Variants in CLOCK observed in about 807,000 individuals in gnomAD.
CLOCK encodes circadian locomoter output cycles protein kaput.
A neutral mutation model predicts 118.4 loss-of-function variants in CLOCK; 43 were observed. The observed-to-expected ratio is 0.36, with a 90% confidence interval of 0.28 to 0.47. The LOEUF (loss-of-function observed/expected upper bound fraction) is 0.47. CLOCK is among the 20% of genes least tolerant of loss of function. CLOCK has a pLI of 1.00. For missense variants in CLOCK, 846 were observed against 999.9 expected (o/e 0.85, Z 2.08); for synonymous variants, 326 against 339.2 (o/e 0.96, Z 0.43).
rs542860491 is a variant in CLOCK, at chr4:55,479,341, G to A, written c.107+299C>T. ...TGAAGCAGTAACCAGTAAACAAACA[G>A]CTATTGAGAAAAACTTGATTATTTA... On this transcript the variant is annotated intron_variant, in intron 5 of 22. Coordinates refer to ENST00000513440, the MANE Select transcript of CLOCK (RefSeq NM_004898.4). 8.5e-5 allele frequency among the ~76,000 whole-genome samples: 13 copies of A among 152,106 alleles called. No individual in the cohort carries two copies. The South Asian group carries it at 1.2e-3, about 15-fold the overall frequency.
intron 8 of CLOCK, among the ~76,000 whole-genome samples, chr4:55,465,127 C>T (rs1725648163): frequency 6.6e-6 from 1 of 152,102 alleles, no homozygotes; most frequent in Non-Finnish European, 1.5e-5. Context: ...CAAAACTATT[C>T]AGGAAAAACA....
intron 1 of CLOCK, among the ~76,000 whole-genome samples, chr4:55,523,139 A>T (rs1428550259): frequency 7.5e-5 from 4 of 53,104 alleles, no homozygotes; most frequent in South Asian, 3.2e-4. Flanking sequence ...ACTAAAAATT[A>T]AAAAAAAAAA....
rs1203257607 is a variant in CLOCK, at chr4:55,429,113, T to A, written c.*6302A>T. On this transcript the variant is annotated 3_prime_UTR_variant, in exon 23 of 23. Transcript: ENST00000513440. ...CTACTGGCATAACCATTGCCAGCAG[T>A]GAACTTGCACTAGTCCAAGCCAACT... is the stretch of plus-strand genomic sequence containing the variant. 1 of 152,084 alleles carries A rather than the reference T, an allele frequency of 6.6e-6. No homozygotes were observed. Among genetic ancestry groups the A allele is most frequent in the Non-Finnish European group, 1.5e-5 (1 of 68,012 alleles). 9.4% of individuals were successfully genotyped at this position (152,084 alleles called of 1,614,324 possible).
intron 11 of CLOCK, among the ~76,000 whole-genome samples, chr4:55,457,922 A>T (rs12500686): frequency 0.039 from 5,963 of 152,166 alleles, 185 homozygotes; most frequent in African/African-American, 0.071. Flanking sequence ...TAGGGTTGTC[A>T]TAAGAATTAA....
At chr4:55,512,346 T>C (rs192508148) in intron 1 of CLOCK, among the ~76,000 whole-genome samples, 5 of 152,028 alleles carry the variant, frequency 3.3e-5, no homozygotes, top group Admixed American at 3.3e-4. Context: ...ATAGTGCATC[T>C]TTTCACATGC....
At chr4:55,447,962 C>G (rs1350218763) in intron 18 of CLOCK, among the ~76,000 whole-genome samples, 1 of 152,148 alleles carries the variant, frequency 6.6e-6, no homozygotes, top group Non-Finnish European at 1.5e-5. Context: ...AAGTTAGGCT[C>G]TAAAGTAACA....
chr4:55,537,046 A>G (rs1209306739), intron 1 of CLOCK, among the ~76,000 whole-genome samples: 1 of 152,268 alleles, frequency 6.6e-6, no homozygotes, highest in Non-Finnish European at 1.5e-5. Flanking sequence ...AATGGAATTA[A>G]ATTAAAAATA....
intron 7 of CLOCK, among the ~76,000 whole-genome samples, chr4:55,474,828 G>C (rs1480302101): frequency 1.3e-5 from 2 of 152,180 alleles, no homozygotes; most frequent in Non-Finnish European, 2.9e-5. Context: ...CAGAAAAATA[G>C]ATTTCTTTCA....
At position 55,479,748 on chromosome 4, in the gene CLOCK, G is replaced by A. The variant is rs751702421; in HGVS notation, c.48-49C>T. The A allele has an allele frequency of 4.2e-6, 6 of 1,415,438 alleles. No individual in the cohort carries two copies. In the Admixed American group the frequency reaches 1.0e-4, roughly 24 times the overall value. 87.7% of individuals were successfully genotyped at this position (1,415,438 alleles called of 1,614,324 possible). ...GTAAGAGCAGACTCACTAAGCAACA[G>A]CAATACTAAAGTGACATGTAAATCA... On this transcript the variant is annotated intron_variant, in intron 4 of 22. Transcript: ENST00000513440.
Position 55,458,938 on chromosome 4 carries a change from ACT to A in CLOCK, c.744_745del (p.Arg248SerfsTer22). 6.2e-7 allele frequency: 1 copy of A among 1,613,858 alleles called. No individual in the cohort carries two copies. Among genetic ancestry groups the A allele is most frequent in the Non-Finnish European group, 8.5e-7 (1 of 1,179,896 alleles). On this transcript the variant is annotated frameshift_variant, in exon 11 of 23. Transcript: ENST00000513440. LOFTEE classifies it high-confidence loss of function. ...TAACCTGACAGTAGCTACAAAACAA[ACT>A]CTATCTTCATAAGATGGCCTATGTG... is the stretch of plus-strand genomic sequence containing the variant.
At chr4:55,519,425 G>A (rs908185535) in intron 1 of CLOCK, among the ~76,000 whole-genome samples, 1 of 152,120 alleles carries the variant, frequency 6.6e-6, no homozygotes, top group Non-Finnish European at 1.5e-5. Flanking sequence ...TTCTTGGGAT[G>A]TGCTAAGACC....
chr4:55,463,214 T>G (rs1725494448), intron 9 of CLOCK, among the ~76,000 whole-genome samples: 1 of 140,738 alleles, frequency 7.1e-6, no homozygotes, highest in South Asian at 2.4e-4. Context: ...ATTAGATACA[T>G]CTAACAAATG....
intron 2 of CLOCK, among the ~76,000 whole-genome samples, chr4:55,493,815 A>G (rs1727877316): frequency 1.3e-5 from 2 of 152,168 alleles, no homozygotes; most frequent in African/African-American, 4.8e-5. Context: ...ATCCCAAACC[A>G]GTTTTATGAA....
In CLOCK at chr4:55,444,500, C is replaced by T. The variant is rs1723630317; in HGVS notation, c.1692+133G>A. ...AAGTATAATCATACTGAGTAGGTAACCAGTGAATATTTATTGAACTGAATT... is the reference window on the plus strand; with the variant it reads ...AAGTATAATCATACTGAGTAGGTAATCAGTGAATATTTATTGAACTGAATT... On this transcript the variant is annotated intron_variant, in intron 19 of 22. Coordinates refer to ENST00000513440, the MANE Select transcript of CLOCK (RefSeq NM_004898.4). 43 of 1,025,730 alleles carry T rather than the reference C, an allele frequency of 4.2e-5. 1 individual carries two copies. The South Asian group carries it at 5.4e-4, about 13-fold the overall frequency. 63.5% of individuals were successfully genotyped at this position (1,025,730 alleles called of 1,614,324 possible).
chr4:55,516,711 T>C (rs1171214003), intron 1 of CLOCK, among the ~76,000 whole-genome samples: 2 of 152,230 alleles, frequency 1.3e-5, no homozygotes, highest in African/African-American at 4.8e-5. Context: ...ATTGATACAG[T>C]TAGATTACTA....
intron 1 of CLOCK, among the ~76,000 whole-genome samples, chr4:55,513,850 T>G (rs936307979): frequency 2.0e-5 from 3 of 152,080 alleles, no homozygotes; most frequent in African/African-American, 7.2e-5. Context: ...TTTTATTAGA[T>G]TTATACCTAA....
At chr4:55,447,356 G>A (rs371703919) in intron 18 of CLOCK, among the ~76,000 whole-genome samples, 121 of 137,964 alleles carry the variant, frequency 8.8e-4, no homozygotes, top group African/African-American at 2.9e-3. Context: ...AGGGTGAGGC[G>A]TCGTCTCAAA....
intron 2 of CLOCK, among the ~76,000 whole-genome samples, chr4:55,490,342 C>A (rs1195651107): frequency 6.6e-6 from 1 of 150,784 alleles, no homozygotes; most frequent in African/African-American, 2.4e-5. Flanking sequence ...ATATATACAC[C>A]CAACATCAGA....
At position 55,463,822 on chromosome 4, in the gene CLOCK, TA is replaced by T. The variant is rs1725538050; in HGVS notation, c.439-18del. 6.3e-7 allele frequency: 1 copy of T among 1,599,518 alleles called. No individual in the cohort carries two copies. The highest frequency in any genetic ancestry group is 8.5e-7 in the Non-Finnish European group (1 of 1,170,066). ...AAGATCAGACTGAAAAGAAAATTGT[TA>T]AAAGTAAAATAACTTCAATGATTCA... On this transcript the variant is annotated intron_variant, in intron 8 of 22. Coordinates refer to ENST00000513440, the MANE Select transcript of CLOCK (RefSeq NM_004898.4).
Sources: allele counts gnomAD v4.1 joint callset (sites outside exome capture counted in the v4.1 genomes callset), GRCh38; gene constraint gnomAD v4.1.1; transcripts MANE v1.5; gene names NCBI Gene and HGNC (gene_info 2026-07-23, HGNC 2026-07-21).